Variants in ABTB3 observed in about 807,000 individuals in gnomAD.
The protein encoded by ABTB3 is ankyrin repeat- and BTB/POZ domain-containing protein 3.
chr12:107,374,222 T>C, the ABTB3 span, among the ~76,000 whole-genome samples: 1 of 152,234 alleles, frequency 6.6e-6, no homozygotes, highest in South Asian at 2.1e-4. Flanking sequence ...ATCGGAGGCT[T>C]TGAGGTCTGC....
chr12:107,577,985 A>G, the ABTB3 span, among the ~76,000 whole-genome samples: 1 of 152,156 alleles, frequency 6.6e-6, no homozygotes, highest in Non-Finnish European at 1.5e-5. Flanking sequence ...TAAAGGAGAC[A>G]ACCAGTGGAA....
At chr12:107,528,923 T>G in the ABTB3 span, among the ~76,000 whole-genome samples, 14,540 of 151,222 alleles carry the variant, frequency 0.096, 777 homozygotes, top group Middle Eastern at 0.12. Flanking sequence ...ATTATGGTGA[T>G]AGTGATGATG....
chr12:107,498,754 G>A, the ABTB3 span, among the ~76,000 whole-genome samples: 1 of 152,098 alleles, frequency 6.6e-6, no homozygotes, highest in Admixed American at 6.6e-5. Context: ...CCCAATGTCA[G>A]ATGATTAGCA....
At chr12:107,512,444 C>T in the ABTB3 span, among the ~76,000 whole-genome samples, 1 of 152,124 alleles carries the variant, frequency 6.6e-6, no homozygotes, top group African/African-American at 2.4e-5. Context: ...TAAAGGTTTT[C>T]CATTTGAGGT....
the ABTB3 span, chr12:107,319,932 A>G: frequency 1.3e-6 from 2 of 1,507,754 alleles, no homozygotes; most frequent in Non-Finnish European, 1.8e-6. Context: ...GCCGCCGCCA[A>G]CCACCACCAT....
the ABTB3 span, among the ~76,000 whole-genome samples, chr12:107,563,482 G>A: frequency 6.6e-6 from 1 of 152,220 alleles, no homozygotes; most frequent in Admixed American, 6.5e-5. Flanking sequence ...ATCTTGAGCA[G>A]TGATAAGTGC....
chr12:107,547,165 A>G, the ABTB3 span, among the ~76,000 whole-genome samples: 1 of 150,210 alleles, frequency 6.7e-6, no homozygotes, highest in Non-Finnish European at 1.5e-5. Flanking sequence ...CTGCACTCCA[A>G]CCTGGGTCAC....
At chr12:107,657,811 G>A in the ABTB3 span, 1 of 1,391,870 alleles carries the variant, frequency 7.2e-7, no homozygotes, top group Non-Finnish European at 1.0e-6. Flanking sequence ...CCTGGCACCT[G>A]TTTTTGGCTG....
At chr12:107,525,275 C>A in the ABTB3 span, among the ~76,000 whole-genome samples, 1 of 120,110 alleles carries the variant, frequency 8.3e-6, no homozygotes, top group Admixed American at 1.1e-4. Flanking sequence ...TGCAGTGAGT[C>A]ATGATCACAC....
the ABTB3 span, among the ~76,000 whole-genome samples, chr12:107,426,404 G>T: frequency 6.6e-6 from 1 of 152,176 alleles, no homozygotes; most frequent in East Asian, 1.9e-4. Context: ...CCAGGAATCT[G>T]TGCATGGATG....
the ABTB3 span, among the ~76,000 whole-genome samples, chr12:107,484,310 C>T: frequency 2.0e-5 from 3 of 152,296 alleles, no homozygotes; most frequent in South Asian, 6.2e-4. Context: ...CATTTGTACA[C>T]GCTGAAGGAG....
the ABTB3 span, among the ~76,000 whole-genome samples, chr12:107,471,983 C>G: frequency 6.6e-6 from 1 of 152,142 alleles, no homozygotes; most frequent in African/African-American, 2.4e-5. Flanking sequence ...TAACTGGAAC[C>G]TAGGGCCCCA....
the ABTB3 span, among the ~76,000 whole-genome samples, chr12:107,562,160 GCATTTAC>G: frequency 1.1e-4 from 16 of 152,232 alleles, no homozygotes; most frequent in African/African-American, 3.9e-4. Context: ...TATTTATAGA[GCATTTAC>G]CATACAACAG....
chr12:107,353,751 G>A, the ABTB3 span, among the ~76,000 whole-genome samples: 8 of 152,038 alleles, frequency 5.3e-5, no homozygotes, highest in Admixed American at 4.6e-4. Flanking sequence ...TCGGATCAGC[G>A]GCAACATTGG....
At chr12:107,518,570 A>C in the ABTB3 span, among the ~76,000 whole-genome samples, 8 of 131,140 alleles carry the variant, frequency 6.1e-5, no homozygotes, top group Non-Finnish European at 1.2e-4. Context: ...ACTTGGACAC[A>C]GGAAGGGGAA....
the ABTB3 span, among the ~76,000 whole-genome samples, chr12:107,606,665 G>A: frequency 6.6e-6 from 1 of 152,362 alleles, no homozygotes; most frequent in South Asian, 2.1e-4. Flanking sequence ...TCCAATGGGT[G>A]TCTTTCTGTG....
the ABTB3 span, among the ~76,000 whole-genome samples, chr12:107,414,591 T>A: frequency 2.0e-5 from 3 of 152,208 alleles, no homozygotes; most frequent in Non-Finnish European, 2.9e-5. Context: ...TGGCGAGACA[T>A]TCGGCTATTT....
chr12:107,465,513 G>A, the ABTB3 span, among the ~76,000 whole-genome samples: 1 of 152,176 alleles, frequency 6.6e-6, no homozygotes, highest in Non-Finnish European at 1.5e-5. Context: ...TTTATTAGAT[G>A]CAAATGGGCA....
At chr12:107,481,917 C>T in the ABTB3 span, among the ~76,000 whole-genome samples, 183 of 147,918 alleles carry the variant, frequency 1.2e-3, no homozygotes, top group African/African-American at 4.4e-3. Flanking sequence ...CTCTCTCTCT[C>T]TCTCTCTCTC....
Sources: gnomAD v4.1 joint callset for allele counts (sites outside exome capture counted in the v4.1 genomes callset) on GRCh38, gnomAD v4.1.1 for gene constraint, MANE v1.5 for transcripts, NCBI Gene and HGNC (gene_info 2026-07-23, HGNC 2026-07-21) for gene names.